CFLAR: variants seen among roughly 807,000 people sequenced by gnomAD.
CFLAR encodes CASP8 and FADD like apoptosis regulator.
A neutral mutation model predicts 51.1 loss-of-function variants in CFLAR; 14 were observed. That is an observed-to-expected ratio of 0.27 (90% CI 0.18 to 0.43). The LOEUF is 0.43. Ranked by LOEUF, CFLAR falls within the 20% of genes least tolerant of loss-of-function variation. The probability of loss-of-function intolerance (pLI) is 1.00; values close to 1 mark genes in which losing one functional copy is unlikely to be tolerated. For synonymous variants in CFLAR, 210 were observed against 211.6 expected, an observed-to-expected ratio of 0.99 and a Z score of 0.06; for missense variants, 390 against 566.5, an observed-to-expected ratio of 0.69 and a Z score of 3.16.
At chr2:201,156,788 T>G (rs1320165776) in intron 8 of CFLAR, among the ~76,000 whole-genome samples, 1 of 129,024 alleles carries the variant, frequency 7.8e-6, no homozygotes. Context: ...TCAGACTGGG[T>G]TGAGTGTGGG....
At chr2:201,136,245 C>A (rs758931688) in intron 4 of CFLAR, 138 bp downstream of exon 4, 1 of 1,604,794 alleles carries the variant, frequency 6.2e-7, no homozygotes, top group South Asian at 1.1e-5. Flanking sequence ...TAGCTTGTGG[C>A]TAGAAATCGC....
chr2:201,162,967 ATT>A, intron 9 of CFLAR: 1 of 718,952 alleles, frequency 1.4e-6, no homozygotes, highest in Non-Finnish European at 2.5e-6. Context: ...GTAACTTAGT[ATT>A]TGTTCTTATC....
chr2:201,139,430 G>A (rs1265295437), intron 4 of CFLAR: 6 of 160,972 alleles, frequency 3.7e-5, no homozygotes, highest in South Asian at 1.7e-4. Context: ...TAAAGGGTCT[G>A]TGCTGAGGAG....
Position 201,171,366 on chromosome 2 carries a change from T to C in CFLAR, c.*7393T>C, listed in dbSNP as rs555273707. 1 of 152,244 alleles carries C rather than the reference T, an allele frequency of 6.6e-6. No homozygotes were observed. Among genetic ancestry groups the C allele is most frequent in the South Asian group, 2.1e-4 (1 of 4,822 alleles). The allele number at this position is 152,244 out of a possible 1,614,324, so 9.4% of individuals were successfully genotyped here. On this transcript the variant is annotated 3_prime_UTR_variant, in exon 10 of 10. Transcript: ENST00000309955. ...TCCTTTGCAGGGACATGGATGAAGC[T>C]GGAAGCCATTATCCTCAGCAAACTA...
chr2:201,148,867 T>C lies in CFLAR; in HGVS notation c.662-136T>C, dbSNP rs1033523561. On this transcript the variant is annotated intron_variant, in intron 6 of 9. Coordinates refer to ENST00000309955, the MANE Select transcript of CFLAR (RefSeq NM_003879.7). ...GTGAGGTTGAAACCTTGGGGCCAAG[T>C]ATAGCTGGGGAAAGAAGAGATAATT... The C allele has an allele frequency of 7.8e-6, 5 of 638,056 alleles. No homozygotes were observed. In the Admixed American group the frequency reaches 1.3e-4, roughly 16 times the overall value. 39.5% of individuals were successfully genotyped at this position (638,056 alleles called of 1,614,324 possible).
At chr2:201,131,199 T>C (rs577761556) in intron 2 of CFLAR, among the ~76,000 whole-genome samples, 3 of 152,266 alleles carry the variant, frequency 2.0e-5, no homozygotes, top group African/African-American at 7.2e-5. Flanking sequence ...GAGACTGACT[T>C]CCTGGGGAAA....
intron 4 of CFLAR, 106 bp from the exon 5 acceptor site, chr2:201,140,251 G>C (rs1938356531): frequency 1.6e-5 from 23 of 1,400,460 alleles, no homozygotes; most frequent in Non-Finnish European, 2.2e-5. Flanking sequence ...AGAAAGTTTA[G>C]GGTATTTTGA....
At position 201,164,227 on chromosome 2, in the gene CFLAR, C is replaced by T. The variant is rs1234497481; in HGVS notation, c.*254C>T. On this transcript the variant is annotated 3_prime_UTR_variant, in exon 10 of 10. Coordinates refer to ENST00000309955, the MANE Select transcript of CFLAR (RefSeq NM_003879.7). ...TCATAGCATGCTGTGATTGTGCCTACGAATAGCCACTGCATACCAACCTGG... is the reference window on the plus strand; with the variant it reads ...TCATAGCATGCTGTGATTGTGCCTATGAATAGCCACTGCATACCAACCTGG... 7.6e-6 allele frequency: 2 copies of T among 263,498 alleles called. No individual in the cohort carries two copies. The highest frequency in any genetic ancestry group is 1.4e-5 in the Non-Finnish European group (2 of 138,448). The allele number at this position is 263,498 out of a possible 1,614,324, so 16.3% of individuals were successfully genotyped here.
At chr2:201,133,888 G>A (rs1050960644) in intron 3 of CFLAR, among the ~76,000 whole-genome samples, 1 of 138,228 alleles carries the variant, frequency 7.2e-6, no homozygotes, top group African/African-American at 2.7e-5. Context: ...CTGAGATGGC[G>A]CCACTGCACT....
In CFLAR at chr2:201,141,449, C is replaced by T. The variant is rs1005640282; in HGVS notation, c.606+1010C>T. On this transcript the variant is annotated intron_variant, in intron 5 of 9. Coordinates refer to ENST00000309955, the MANE Select transcript of CFLAR (RefSeq NM_003879.7). ...TTCCATGTGATTAACATGGAACTGCCTCTACTTAATCATTCTGAATGATTA... is the reference window on the plus strand; with the variant it reads ...TTCCATGTGATTAACATGGAACTGCTTCTACTTAATCATTCTGAATGATTA... The T allele has an allele frequency of 3.2e-6, 5 of 1,549,926 alleles. No homozygotes were observed. The Admixed American group carries it at 7.9e-5, about 25-fold the overall frequency.
intron 2 of CFLAR, among the ~76,000 whole-genome samples, chr2:201,131,692 T>G (rs976920316): frequency 6.6e-6 from 1 of 151,982 alleles, no homozygotes; most frequent in Non-Finnish European, 1.5e-5. Flanking sequence ...TTTTTTGGTT[T>G]TTGTTTTTTT....
At chr2:201,125,164 G>A (rs2048561450) in intron 1 of CFLAR, among the ~76,000 whole-genome samples, 2 of 152,184 alleles carry the variant, frequency 1.3e-5, no homozygotes, top group South Asian at 2.1e-4. Context: ...TAAAGACAGC[G>A]TCAGTATTGC....
At chr2:201,125,009 G>A (rs771207099) in intron 1 of CFLAR, among the ~76,000 whole-genome samples, 1 of 152,154 alleles carries the variant, frequency 6.6e-6, no homozygotes, top group Non-Finnish European at 1.5e-5. Context: ...ACTAGCAGGG[G>A]CAAACGAGGC....
intron 5 of CFLAR, among the ~76,000 whole-genome samples, chr2:201,144,910 T>C (rs1319091819): frequency 6.6e-6 from 1 of 152,146 alleles, no homozygotes; most frequent in African/African-American, 2.4e-5. Flanking sequence ...TGGAGTGCAA[T>C]GGCACCATCT....
chr2:201,132,917 CAG>C, intron 2 of CFLAR, 110 bp from the exon 3 acceptor site: 2 of 1,096,790 alleles, frequency 1.8e-6, no homozygotes, highest in Non-Finnish European at 2.6e-6. Flanking sequence ...CATATTTACA[CAG>C]GGGCAAGAAC....
intron 2 of CFLAR, among the ~76,000 whole-genome samples, chr2:201,131,922 G>A (rs966052866): frequency 4.0e-5 from 6 of 151,862 alleles, no homozygotes; most frequent in African/African-American, 1.5e-4. Flanking sequence ...GTTGTTGTGA[G>A]CATCAGTTGT....
intron 1 of CFLAR, among the ~76,000 whole-genome samples, chr2:201,127,726 G>T (rs2048844856): frequency 6.6e-6 from 1 of 152,122 alleles, no homozygotes; most frequent in Non-Finnish European, 1.5e-5. Context: ...CACGGGATCT[G>T]TAGTTTCCTT....
At chr2:201,158,649 G>A (rs1162587160) in intron 8 of CFLAR, among the ~76,000 whole-genome samples, 2 of 152,082 alleles carry the variant, frequency 1.3e-5, no homozygotes, top group African/African-American at 4.8e-5. Flanking sequence ...ACTGGGTATC[G>A]AAACAAGCCT....
At chr2:201,126,071 A>G (rs1437658897) in intron 1 of CFLAR, among the ~76,000 whole-genome samples, 1 of 152,106 alleles carries the variant, frequency 6.6e-6, no homozygotes, top group Non-Finnish European at 1.5e-5. Context: ...AAAACGCCAC[A>G]CTTTGAGATG....
Sources: allele counts gnomAD v4.1 joint callset (sites outside exome capture counted in the v4.1 genomes callset), GRCh38; gene constraint gnomAD v4.1.1; transcripts MANE v1.5; gene names NCBI Gene and HGNC (gene_info 2026-07-23, HGNC 2026-07-21).